GLRA3: variants seen among roughly 807,000 people sequenced by gnomAD.
GLRA3 encodes glycine receptor subunit alpha-3.
Under a neutral mutation model 60.4 loss-of-function variants are expected in GLRA3, and 44 were observed. The observed-to-expected ratio is 0.73, with a 90% CI of 0.57 to 0.94. The LOEUF (loss-of-function observed/expected upper bound fraction) is 0.94. GLRA3 is among the 40% of genes least tolerant of loss of function. GLRA3 has a pLI of 0.00. For synonymous variants in GLRA3, 223 were observed against 192.9 expected (o/e 1.16, Z -1.29); for missense variants, 508 against 564.6 (o/e 0.90, Z 1.02).
intron 1 of GLRA3, among the ~76,000 whole-genome samples, chr4:174,805,275 T>C (rs1458830076): frequency 2.0e-5 from 3 of 152,148 alleles, no homozygotes; most frequent in South Asian, 4.1e-4. Flanking sequence ...CACTCCTCTC[T>C]TCAAAGAGTG....
intron 1 of GLRA3, among the ~76,000 whole-genome samples, chr4:174,791,265 G>A (rs1382440272): frequency 6.6e-6 from 1 of 152,070 alleles, no homozygotes; most frequent in Non-Finnish European, 1.5e-5. Flanking sequence ...TTGGGGTGAC[G>A]CGGCCACAGC....
At chr4:174,768,973 T>C (rs758228858) in intron 2 of GLRA3, among the ~76,000 whole-genome samples, 1 of 152,136 alleles carries the variant, frequency 6.6e-6, no homozygotes, top group Non-Finnish European at 1.5e-5. Context: ...GAAACTAATA[T>C]CTAAGACTAA....
intron 3 of GLRA3, among the ~76,000 whole-genome samples, chr4:174,763,773 C>G (rs146053522): frequency 1.6e-4 from 25 of 152,202 alleles, no homozygotes; most frequent in Admixed American, 3.9e-4. Flanking sequence ...TCGCCAAGAC[C>G]ATGTTCCCAA....
chr4:174,665,063 G>T (rs576569073), intron 7 of GLRA3, among the ~76,000 whole-genome samples: 2 of 152,116 alleles, frequency 1.3e-5, no homozygotes, highest in Non-Finnish European at 2.9e-5. Flanking sequence ...CTGGGAGAAG[G>T]AGGCTATGTT....
chr4:174,657,052 G>A (rs1733235936), intron 8 of GLRA3, among the ~76,000 whole-genome samples: 1 of 152,034 alleles, frequency 6.6e-6, no homozygotes, highest in Admixed American at 6.6e-5. Flanking sequence ...AAAATAATAA[G>A]ATATGATTGT....
At chr4:174,657,083 C>G (rs552882353) in intron 8 of GLRA3, among the ~76,000 whole-genome samples, 2 of 152,056 alleles carry the variant, frequency 1.3e-5, no homozygotes, top group African/African-American at 4.8e-5. Flanking sequence ...CTGCATTTTC[C>G]CAGGGTACCA....
At chr4:174,644,129 A>T (rs573092808) in intron 9 of GLRA3, 65 bp from the exon 10 acceptor site, 17 of 892,060 alleles carry the variant, frequency 1.9e-5, no homozygotes, top group African/African-American at 1.7e-4. Context: ...CAGGCATCTC[A>T]GAATCATAAC....
At chr4:174,801,502 A>C (rs112914891) in intron 1 of GLRA3, among the ~76,000 whole-genome samples, 7 of 152,138 alleles carry the variant, frequency 4.6e-5, no homozygotes, top group African/African-American at 1.7e-4. Flanking sequence ...CTCTTTCTGC[A>C]TTCCTTTCAA....
rs115144079 is a variant in GLRA3 at position 174,815,737 on chromosome 4, C to T, written c.71+13004G>A. Among the ~76,000 whole-genome samples the T allele has an allele frequency of 6.8e-3, 1,036 of 152,304 alleles. 5 individuals carry two copies. Among genetic ancestry groups the T allele is most frequent in the Non-Finnish European group, 0.01 (681 of 68,036 alleles). Reference sequence around the variant, plus strand: ...TGCAGGGCACCAAGTCCCTAGGCTGCACACAGAAAAGGGATCCTGGGCTGA... The same window carrying T: ...TGCAGGGCACCAAGTCCCTAGGCTGTACACAGAAAAGGGATCCTGGGCTGA... On this transcript the variant is annotated intron_variant, in intron 1 of 9. Coordinates refer to ENST00000274093, the MANE Select transcript of GLRA3 (RefSeq NM_006529.4).
Position 174,637,015 on chromosome 4 carries a change from G to C in GLRA3, c.*6771C>G, listed in dbSNP as rs981129611. The C allele has an allele frequency of 6.6e-6, 1 of 152,176 alleles. No homozygotes were observed. Among genetic ancestry groups the C allele is most frequent in the South Asian group, 2.1e-4 (1 of 4,828 alleles). 9.4% of individuals were successfully genotyped at this position (152,176 alleles called of 1,614,324 possible). The stretch of plus-strand genomic sequence containing the variant: ...TGTTCACAGGTTAATGACTCTGATA[G>C]AGAGTCTGTTAGTTGCAAAATTGAA... On this transcript the variant is annotated 3_prime_UTR_variant, in exon 10 of 10. Transcript: ENST00000274093.
At chr4:174,699,838 T>A (rs2877826) in intron 5 of GLRA3, among the ~76,000 whole-genome samples, 60,827 of 150,068 alleles carry the variant, frequency 0.41, 13,158 homozygotes, top group Middle Eastern at 0.52. Context: ...TTGTTAATTA[T>A]TAATTAATAA....
At chr4:174,721,083 C>T (rs997083392) in intron 4 of GLRA3, among the ~76,000 whole-genome samples, 9 of 150,354 alleles carry the variant, frequency 6.0e-5, no homozygotes, top group Non-Finnish European at 7.4e-5. Flanking sequence ...GGCTGGAGTG[C>T]GGTGGTGTGA....
chr4:174,688,631 G>A (rs1379327735), intron 5 of GLRA3, among the ~76,000 whole-genome samples: 2 of 146,218 alleles, frequency 1.4e-5, no homozygotes, highest in Non-Finnish European at 1.5e-5. Flanking sequence ...GTTATTTTGG[G>A]TTGCCTTGAA....
rs567984156 is a variant in GLRA3, at chr4:174,650,494, C to T, written c.1116+6249G>A. Among the ~76,000 whole-genome samples, 7 of 152,294 alleles carry T rather than the reference C, an allele frequency of 4.6e-5. No individual in the cohort carries two copies. The South Asian group carries it at 1.4e-3, about 32-fold the overall frequency. On this transcript the variant is annotated intron_variant, in intron 9 of 9. Coordinates refer to ENST00000274093, the MANE Select transcript of GLRA3 (RefSeq NM_006529.4). ...TTCTAGACTAGAAAATCCTCTGACA[C>T]TGTCAGCAGGTATAAGCTACATGAA... is the stretch of plus-strand genomic sequence containing the variant.
At chr4:174,652,284 T>C (rs867935079) in intron 9 of GLRA3, among the ~76,000 whole-genome samples, 1 of 152,104 alleles carries the variant, frequency 6.6e-6, no homozygotes, top group Non-Finnish European at 1.5e-5. Flanking sequence ...TCTCATGGAT[T>C]ACATGTCAAA....
chr4:174,732,811 G>GTA (rs2111146634), intron 3 of GLRA3, among the ~76,000 whole-genome samples: 1 of 151,866 alleles, frequency 6.6e-6, no homozygotes, highest in African/African-American at 2.4e-5. Flanking sequence ...ATGTATGTAT[G>GTA]TGTGTATGTA....
At chr4:174,664,610 A>T (rs888816472) in intron 7 of GLRA3, among the ~76,000 whole-genome samples, 9 of 152,128 alleles carry the variant, frequency 5.9e-5, no homozygotes, top group African/African-American at 1.9e-4. Context: ...TTATACTGTC[A>T]TCACACTGAT....
intron 1 of GLRA3, among the ~76,000 whole-genome samples, chr4:174,827,178 A>C (rs965320318): frequency 1.3e-5 from 2 of 151,998 alleles, no homozygotes; most frequent in African/African-American, 4.8e-5. Context: ...ATAAATTCTT[A>C]TAATCACAAT....
At chr4:174,735,463 T>C (rs1222183857) in intron 3 of GLRA3, among the ~76,000 whole-genome samples, 2 of 152,242 alleles carry the variant, frequency 1.3e-5, no homozygotes, top group Non-Finnish European at 1.5e-5. Flanking sequence ...ATATTGTCTC[T>C]GGATTGATTT....
Sources: gnomAD v4.1 joint callset for allele counts (sites outside exome capture counted in the v4.1 genomes callset) on GRCh38, gnomAD v4.1.1 for gene constraint, MANE v1.5 for transcripts, NCBI Gene and HGNC (gene_info 2026-07-23, HGNC 2026-07-21) for gene names.